Variants in CENPE observed in about 807,000 individuals in gnomAD.
The protein encoded by CENPE is centromere protein E.
A neutral mutation model predicts 336.1 loss-of-function variants in CENPE; 145 were observed. The ratio of observed to expected loss-of-function variants is 0.43; its 90% CI spans 0.38 to 0.50. The LOEUF (loss-of-function observed/expected upper bound fraction) is 0.50. Among genes scored for constraint, CENPE ranks in the 20% least tolerant of loss-of-function variants. The pLI is 0.00. For synonymous variants in CENPE, 1,013 were observed against 984.8 expected (o/e 1.03, Z -0.54); for missense variants, 2,719 against 3,023.3 (o/e 0.90, Z 2.36).
intron 11 of CENPE, 81 bp from the exon 12 acceptor site, chr4:103,181,537 A>G: frequency 8.4e-7 from 1 of 1,195,336 alleles, no homozygotes; most frequent in Non-Finnish European, 1.1e-6. Context: ...GCTTTCTTAT[A>G]TTCAAGATTA....
intron 18 of CENPE, 138 bp from the exon 19 acceptor site, chr4:103,161,595 GAAAT>G: frequency 1.5e-6 from 1 of 666,200 alleles, no homozygotes; most frequent in Non-Finnish European, 2.2e-6. Context: ...TATATAAAAA[GAAAT>G]AATGTTTTCC....
At chr4:103,185,175 C>A (rs1756658249) in intron 9 of CENPE, among the ~76,000 whole-genome samples, 1 of 151,918 alleles carries the variant, frequency 6.6e-6, no homozygotes, top group South Asian at 2.1e-4. Context: ...CGTGATGGTG[C>A]ATGTCTGTAA....
chr4:103,171,775 C>T (rs116417726), intron 16 of CENPE, among the ~76,000 whole-genome samples: 1,650 of 150,260 alleles, frequency 0.011, 23 homozygotes, highest in African/African-American at 0.034. Context: ...AGACAGTCGA[C>T]TCAAATAAAT....
chr4:103,134,286 T>A (rs1751866116), intron 40 of CENPE, among the ~76,000 whole-genome samples: 1 of 152,094 alleles, frequency 6.6e-6, no homozygotes, highest in Non-Finnish European at 1.5e-5. Context: ...ATTTTCAACA[T>A]CCTCTCCTGC....
At position 103,148,800 on chromosome 4, in the gene CENPE, A is replaced by G; in HGVS notation, c.3843+44T>C. 4 of 1,546,892 alleles carry G rather than the reference A, an allele frequency of 2.6e-6. No homozygotes were observed. The East Asian group carries it at 9.0e-5, about 35-fold the overall frequency. On this transcript the variant is annotated intron_variant, in intron 28 of 48. Coordinates refer to ENST00000265148, the MANE Select transcript of CENPE (RefSeq NM_001813.3). Reference sequence around the variant, plus strand: ...TGCTTATCTTTCCTTCAAAGGAGAAAGGAAGGAAGAAGTGACAAAGGATGA... The same window carrying G: ...TGCTTATCTTTCCTTCAAAGGAGAAGGGAAGGAAGAAGTGACAAAGGATGA...
chr4:103,144,441 C>G lies in CENPE; in HGVS notation c.5035G>C (p.Glu1679Gln), dbSNP rs114399328. The change falls in exon 33 of 49, where the codon GAA (glutamate) becomes CAA (glutamine). Residue 1679 changes from glutamate (E) to glutamine (Q), a missense_variant. Glu to Gln is a conservative substitution (Grantham distance 29, BLOSUM62 2). This residue lies in a region of CENPE where 2,437 missense variants were observed against 2,513.3 expected (regional missense o/e 0.97). Coordinates refer to ENST00000265148, the MANE Select transcript of CENPE (RefSeq NM_001813.3). ...RLTQILHENL[E>Q]EMRSVTKERD... The stretch of plus-strand genomic sequence containing the variant: ...TCTTTTGTTACAGATCTCATTTCTT[C>G]AAGGTTTTCATGTAGTATCTGAGTC... 12 of 1,613,938 alleles carry G rather than the reference C, an allele frequency of 7.4e-6. No homozygotes were observed. Among genetic ancestry groups the G allele is most frequent in the Non-Finnish European group, 1.0e-5 (12 of 1,179,964 alleles).
chr4:103,111,103 T>A (rs1176025658), intron 46 of CENPE, 92 bp from the exon 47 acceptor site: 2 of 946,682 alleles, frequency 2.1e-6, no homozygotes, highest in Non-Finnish European at 1.6e-6. Context: ...TAAGCCATTA[T>A]AGAGACCCAA....
At chr4:103,134,643 A>AG (rs1751912600) in intron 40 of CENPE, among the ~76,000 whole-genome samples, 1 of 151,646 alleles carries the variant, frequency 6.6e-6, no homozygotes, top group Admixed American at 6.6e-5. Context: ...CTCAAAAAAA[A>AG]AAAAAAAAAA....
chr4:103,163,608 CAAA>C (rs11315612), intron 16 of CENPE, 55 bp from the exon 17 acceptor site: 11,583 of 296,998 alleles, frequency 0.039, no homozygotes, highest in Middle Eastern at 0.052. Flanking sequence ...TAAAGCAAAG[CAAA>C]AAAAAAAAAA....
chr4:103,161,245 G>A lies in CENPE; in HGVS notation c.1972C>T (p.Leu658Phe), dbSNP rs766052125. Residue 658 changes from leucine (L) to phenylalanine (F), a missense_variant, in exon 20 of 49, where the codon CTT (leucine) becomes TTT (phenylalanine). Transcript: ENST00000265148. The part of the protein sequence containing the change: ...NLELKEKMKE[L>F]ATTYKQMEND... ...TCCATTTGCTTGTATGTAGTTGCAA[G>A]TTCTTTCTATTGAGAAAAACATTGC... The A allele has an allele frequency of 6.2e-7, 1 of 1,607,490 alleles. No homozygotes were observed. The highest frequency in any genetic ancestry group is 8.5e-7 in the Non-Finnish European group (1 of 1,177,660).
At position 103,159,327 on chromosome 4, in the gene CENPE, A is replaced by G; in HGVS notation, c.2287-3T>C. ...AGCTCTTCAGATTTGTCTTGTATCT[A>G]TGGAAAAGAAATAAAATTTAGGGAT... On this transcript the variant is annotated splice_region_variant and splice_polypyrimidine_tract_variant and intron_variant, in intron 21 of 48. Transcript: ENST00000265148. 1 of 1,407,740 alleles carries G rather than the reference A, an allele frequency of 7.1e-7. No homozygotes were observed. Among genetic ancestry groups the G allele is most frequent in the South Asian group, 1.6e-5 (1 of 63,412 alleles). The allele number at this position is 1,407,740 out of a possible 1,614,324, so 87.2% of individuals were successfully genotyped here. A position where few individuals can be genotyped will look rare whatever the true frequency, so the allele number is the denominator to read the frequency against.
At chr4:103,171,106 A>G (rs1053976833) in intron 16 of CENPE, among the ~76,000 whole-genome samples, 1 of 152,272 alleles carries the variant, frequency 6.6e-6, no homozygotes, top group Non-Finnish European at 1.5e-5. Flanking sequence ...ACTTTCAGCA[A>G]TGGACAGATT....
At position 103,109,111 on chromosome 4, in the gene CENPE, G is replaced by A. The variant is rs765927728; in HGVS notation, c.7725-22C>T. 38 of 1,584,780 alleles carry A rather than the reference G, an allele frequency of 2.4e-5. No individual in the cohort carries two copies. The South Asian group carries it at 4.3e-4, about 18-fold the overall frequency. The stretch of plus-strand genomic sequence containing the variant: ...ATTGCTTAAATGTGGGGGAAGAAAA[G>A]AGAGACTGTAAGACTTCTTGATTCT... On this transcript the variant is annotated intron_variant, in intron 47 of 48. Transcript: ENST00000265148.
chr4:103,118,743 G>A (rs1750361001), intron 44 of CENPE, among the ~76,000 whole-genome samples: 1 of 152,160 alleles, frequency 6.6e-6, no homozygotes, highest in Non-Finnish European at 1.5e-5. Flanking sequence ...GCTTGTGGAT[G>A]TTCAGTTGTC....
In CENPE at chr4:103,153,114, T is replaced by G; in HGVS notation, c.3170A>C (p.Gln1057Pro). The change falls in exon 25 of 49, where the codon CAA becomes CCA. Residue 1057 changes from glutamine (Q) to proline (P), a missense_variant. Physicochemically the swap from Gln to Pro is moderately conservative, Grantham distance 76. Transcript: ENST00000265148. ...SLIQEKNELQ[Q>P]MLESVIAEKE... ...TTCTGCTATAACACTCTCTAACATT[T>G]GTTGGAGTTCATTTTTCTCCTGTAT... The G allele has an allele frequency of 6.2e-7, 1 of 1,613,234 alleles. No homozygotes were observed. The highest frequency in any genetic ancestry group is 8.5e-7 in the Non-Finnish European group (1 of 1,179,582).
At chr4:103,146,674 T>C (rs1047834382) in intron 29 of CENPE, among the ~76,000 whole-genome samples, 1 of 151,850 alleles carries the variant, frequency 6.6e-6, no homozygotes, top group African/African-American at 2.4e-5. Context: ...TAGGGCCTCA[T>C]AGGCCACATA....
At position 103,117,781 on chromosome 4, in the gene CENPE, C is replaced by T. The variant is rs1431382608; in HGVS notation, c.7330-1092G>A. On this transcript the variant is annotated intron_variant, in intron 44 of 48. Coordinates refer to ENST00000265148, the MANE Select transcript of CENPE (RefSeq NM_001813.3). ...TAGCTGGGATTACAGGTGCTTACCACCATGCCTGGCTACTTTTTTGTATTT... is the reference window on the plus strand; with the variant it reads ...TAGCTGGGATTACAGGTGCTTACCATCATGCCTGGCTACTTTTTTGTATTT... 3.3e-5 allele frequency among the ~76,000 whole-genome samples: 5 copies of T among 151,972 alleles called. No individual in the cohort carries two copies. In the East Asian group the frequency reaches 5.8e-4, roughly 18 times the overall value.
chr4:103,113,266 A>C (rs1019191232), intron 46 of CENPE, among the ~76,000 whole-genome samples: 1 of 142,038 alleles, frequency 7.0e-6, no homozygotes. Context: ...AAGTGTATAC[A>C]TATATATGTA....
Position 103,181,419 on chromosome 4 carries a change from T to A in CENPE, c.1001A>T (p.Tyr334Phe). Residue 334 changes from tyrosine to phenylalanine, a missense_variant, in exon 12 of 49, where the codon TAT (tyrosine) becomes TTT (phenylalanine). Tyr to Phe is a conservative substitution (Grantham distance 22, BLOSUM62 3). Transcript: ENST00000265148. ...TTCATCAGTTGATACCTCATTAACA[T>A]AAGGAGTATTCTTCATATATTTAGC... The part of the protein sequence containing the change: ...STAKYMKNTP[Y>F]VNEVSTDEAL... 2 of 1,575,536 alleles carry A rather than the reference T, an allele frequency of 1.3e-6. No individual in the cohort carries two copies. The highest frequency in any genetic ancestry group is 1.7e-6 in the Non-Finnish European group (2 of 1,162,002).
Sources: allele counts gnomAD v4.1 joint callset (sites outside exome capture counted in the v4.1 genomes callset), GRCh38; gene constraint gnomAD v4.1.1; regional missense constraint gnomAD v4.1.1; transcripts MANE v1.5; gene names NCBI Gene and HGNC (gene_info 2026-07-23, HGNC 2026-07-21).